GAS2: variants seen among roughly 807,000 people sequenced by gnomAD.
The protein encoded by GAS2 is growth arrest-specific protein 2.
A neutral mutation model predicts 37.5 loss-of-function variants in GAS2; 20 were observed. That is an observed-to-expected ratio of 0.53 (90% CI 0.37 to 0.77). The LOEUF is 0.77. GAS2 is among the 30% of genes least tolerant of loss of function. The pLI, the probability that GAS2 is intolerant of heterozygous loss-of-function variation, is 0.00. For missense variants in GAS2, 336 were observed against 373.4 expected (o/e 0.90, Z 0.82); for synonymous variants, 144 against 132.2 (o/e 1.09, Z -0.61).
At chr11:22,652,766 C>G (rs939056039) in intron 1 of GAS2, among the ~76,000 whole-genome samples, 10 of 152,224 alleles carry the variant, frequency 6.6e-5, no homozygotes, top group Admixed American at 2.0e-4. Context: ...GGCAATGCCT[C>G]GCCCTGCTTC....
intron 7 of GAS2, among the ~76,000 whole-genome samples, chr11:22,808,524 A>G (rs1856999660): frequency 6.6e-6 from 1 of 152,170 alleles, no homozygotes; most frequent in African/African-American, 2.4e-5. Context: ...AAATTAGCAA[A>G]CTGAATATGT....
At chr11:22,683,672 T>G (rs987016879) in intron 2 of GAS2, among the ~76,000 whole-genome samples, 4 of 152,272 alleles carry the variant, frequency 2.6e-5, no homozygotes, top group Admixed American at 6.5e-5. Flanking sequence ...TTTCTTTTTT[T>G]TTTTTTGCTT....
At chr11:22,653,489 T>C (rs1848821080) in intron 1 of GAS2, among the ~76,000 whole-genome samples, 1 of 152,120 alleles carries the variant, frequency 6.6e-6, no homozygotes, top group African/African-American at 2.4e-5. Context: ...TCAAGAAACT[T>C]TCTTGTTTTT....
At chr11:22,631,085 G>T (rs1858739291) in intron 1 of GAS2, among the ~76,000 whole-genome samples, 1 of 152,026 alleles carries the variant, frequency 6.6e-6, no homozygotes. Context: ...ATTCCTAGGT[G>T]ATTTATTTTT....
chr11:22,663,367 G>T (rs1848936671), upstream of GAS2, among the ~76,000 whole-genome samples: 2 of 151,518 alleles, frequency 1.3e-5, no homozygotes, highest in Admixed American at 1.3e-4. Flanking sequence ...GGTCAAGGCT[G>T]CAGTAAGCCA....
At chr11:22,689,643 C>A (rs1046987246) in intron 3 of GAS2, among the ~76,000 whole-genome samples, 8 of 152,128 alleles carry the variant, frequency 5.3e-5, no homozygotes, top group African/African-American at 1.9e-4. Context: ...ACAAAAAAGA[C>A]TTATGAGATT....
intron 3 of GAS2, among the ~76,000 whole-genome samples, chr11:22,719,813 G>T (rs757492503): frequency 1.3e-5 from 2 of 151,926 alleles, no homozygotes; most frequent in Non-Finnish European, 1.5e-5. Flanking sequence ...TTTTAGCACC[G>T]AATAATCCAT....
intron 6 of GAS2, among the ~76,000 whole-genome samples, chr11:22,751,812 C>G (rs1325563340): frequency 6.6e-6 from 1 of 151,904 alleles, no homozygotes; most frequent in African/African-American, 2.4e-5. Context: ...TACCAATACT[C>G]CAGTTCAGAA....
At chr11:22,687,470 C>T (rs2133952865) in intron 3 of GAS2, among the ~76,000 whole-genome samples, 1 of 152,170 alleles carries the variant, frequency 6.6e-6, no homozygotes, top group Non-Finnish European at 1.5e-5. Flanking sequence ...GTTTGGTAAC[C>T]ATTAATTTCT....
intron 1 of GAS2, among the ~76,000 whole-genome samples, chr11:22,628,789 C>A (rs1021678256): frequency 1.2e-4 from 18 of 152,116 alleles, no homozygotes; most frequent in African/African-American, 4.3e-4. Flanking sequence ...CCCATCCCAC[C>A]TCCCCTGCTT....
intron 3 of GAS2, among the ~76,000 whole-genome samples, chr11:22,688,197 A>T (rs373721175): frequency 7.2e-5 from 11 of 152,190 alleles, no homozygotes; most frequent in African/African-American, 2.7e-4. Flanking sequence ...GTGAAATAGG[A>T]TTAATAATTA....
intron 3 of GAS2, among the ~76,000 whole-genome samples, chr11:22,715,460 CAAAAAA>C (rs1192862614): frequency 2.2e-4 from 9 of 41,768 alleles, no homozygotes; most frequent in Admixed American, 1.3e-3. Context: ...GACTCTGTCT[CAAAAAA>C]AAAAAAAAAA....
chr11:22,776,417 A>T (rs1855260113), intron 7 of GAS2, among the ~76,000 whole-genome samples: 1 of 152,204 alleles, frequency 6.6e-6, no homozygotes, highest in Non-Finnish European at 1.5e-5. Context: ...TTGATCACTA[A>T]ATAAGGAAGT....
At chr11:22,675,708 GT>G (rs1415510485) in intron 2 of GAS2, among the ~76,000 whole-genome samples, 1 of 151,852 alleles carries the variant, frequency 6.6e-6, no homozygotes, top group Admixed American at 6.6e-5. Context: ...TTTCCACTAA[GT>G]TTTTTATAGA....
chr11:22,729,050 T>G (rs1044147469), intron 4 of GAS2, among the ~76,000 whole-genome samples: 4 of 151,198 alleles, frequency 2.6e-5, no homozygotes, highest in African/African-American at 9.7e-5. Context: ...TTTTTTAACC[T>G]CAAGATTTCA....
At position 22,745,969 on chromosome 11, in the gene GAS2, C is replaced by T. The variant is rs1038052264; in HGVS notation, c.474-3151C>T. ...CAGATCACTGGACCCCAGTTTGAGA[C>T]GAGCTCCACCTCTATAAAAAATTAC... On this transcript the variant is annotated intron_variant, in intron 5 of 7. Coordinates refer to ENST00000454584, the MANE Select transcript of GAS2 (RefSeq NM_001143830.3). Among the ~76,000 whole-genome samples, 7 of 151,982 alleles carry T rather than the reference C, an allele frequency of 4.6e-5. 1 individual carries two copies. The highest frequency in any genetic ancestry group is 2.6e-4 in the Admixed American group (4 of 15,252).
intron 1 of GAS2, among the ~76,000 whole-genome samples, chr11:22,656,990 A>G (rs1389287425): frequency 6.6e-6 from 1 of 152,210 alleles, no homozygotes; most frequent in Admixed American, 6.5e-5. Flanking sequence ...TTCCATAGAG[A>G]GAAGACAGTG....
At chr11:22,786,106 T>C (rs1855806101) in intron 7 of GAS2, among the ~76,000 whole-genome samples, 1 of 152,186 alleles carries the variant, frequency 6.6e-6, no homozygotes, top group East Asian at 1.9e-4. Flanking sequence ...CAGATTCTGC[T>C]TCTGCGGTAT....
chr11:22,727,897 TTAAA>T (rs1852291239), intron 4 of GAS2, among the ~76,000 whole-genome samples: 1 of 151,916 alleles, frequency 6.6e-6, no homozygotes, highest in Non-Finnish European at 1.5e-5. Context: ...GCACAAACAA[TTAAA>T]TAAAATTGCT....
Sources: gnomAD v4.1 joint callset for allele counts (sites outside exome capture counted in the v4.1 genomes callset) on GRCh38, gnomAD v4.1.1 for gene constraint, MANE v1.5 for transcripts, NCBI Gene and HGNC (gene_info 2026-07-23, HGNC 2026-07-21) for gene names.